The following C2CD3 variants were observed in gnomAD, a reference collection of about 807,000 sequenced individuals.
The protein encoded by C2CD3 is C2 domain-containing protein 3.
C2CD3 carries 148 observed loss-of-function variants against 234.0 expected under a neutral mutation model. The ratio of observed to expected loss-of-function variants is 0.63; its 90% confidence interval spans 0.55 to 0.72. The LOEUF (loss-of-function observed/expected upper bound fraction) is 0.72. Among genes scored for constraint, C2CD3 ranks in the 30% least tolerant of loss-of-function variants. The probability of loss-of-function intolerance (pLI) is 0.00; values close to 1 mark genes in which losing one functional copy is unlikely to be tolerated. For missense variants in C2CD3, 2,577 were observed against 2,811.5 expected, an observed-to-expected ratio of 0.92 and a Z score of 1.89; for synonymous variants, 1,000 against 1,035.4, an observed-to-expected ratio of 0.97 and a Z score of 0.66.
Position 74,118,390 on chromosome 11 carries a change from G to A in C2CD3, c.1366-8C>T. 1 of 1,609,790 alleles carries A rather than the reference G, an allele frequency of 6.2e-7. No homozygotes were observed. Among genetic ancestry groups the A allele is most frequent in the Non-Finnish European group, 8.5e-7 (1 of 1,176,500 alleles). Reference sequence around the variant, plus strand: ...GATGCTGGTATCAGATTTCTATGGAGAGGAAGAAACAGAGACACTAAATGA... The same window carrying A: ...GATGCTGGTATCAGATTTCTATGGAAAGGAAGAAACAGAGACACTAAATGA... On this transcript the variant is annotated splice_polypyrimidine_tract_variant and splice_region_variant and intron_variant, in intron 8 of 32. Transcript: ENST00000334126.
intron 2 of C2CD3, among the ~76,000 whole-genome samples, chr11:74,166,895 CAACT>C (rs1332777292): frequency 2.0e-5 from 3 of 152,080 alleles, no homozygotes; most frequent in African/African-American, 4.8e-5. Context: ...CTATTTTTCC[CAACT>C]AACTAATAGG....
chr11:74,055,503 C>T (rs1000091628), intron 25 of C2CD3, among the ~76,000 whole-genome samples: 2 of 152,168 alleles, frequency 1.3e-5, no homozygotes, highest in Non-Finnish European at 2.9e-5. Context: ...CCCAAACACC[C>T]CTGGGGAAGT....
intron 19 of C2CD3, among the ~76,000 whole-genome samples, chr11:74,091,948 A>C (rs547416260): frequency 6.6e-6 from 1 of 152,232 alleles, no homozygotes; most frequent in African/African-American, 2.4e-5. Flanking sequence ...GATCCTCAAA[A>C]GGGCAAATCC....
intron 3 of C2CD3, among the ~76,000 whole-genome samples, chr11:74,156,575 C>T (rs530815357): frequency 5.3e-5 from 8 of 151,860 alleles, no homozygotes; most frequent in African/African-American, 1.2e-4. Context: ...CTCAGGAGGC[C>T]GAGGCAGGAG....
intron 9 of C2CD3, among the ~76,000 whole-genome samples, chr11:74,116,645 A>T (rs890771030): frequency 1.1e-4 from 17 of 151,874 alleles, no homozygotes; most frequent in Non-Finnish European, 2.4e-4. Flanking sequence ...AGAGGAAAAG[A>T]AGTCACTATA....
intron 5 of C2CD3, among the ~76,000 whole-genome samples, chr11:74,134,655 T>C (rs1957798138): frequency 6.6e-6 from 1 of 152,210 alleles, no homozygotes; most frequent in Non-Finnish European, 1.5e-5. Flanking sequence ...TCTAATTTTA[T>C]AATTTCTAAA....
chr11:74,089,692 A>G (rs2135480145), intron 20 of C2CD3, among the ~76,000 whole-genome samples: 1 of 152,292 alleles, frequency 6.6e-6, no homozygotes, highest in South Asian at 2.1e-4. Context: ...TGCTAGAACT[A>G]TGCTAGGAGG....
At chr11:74,129,782 A>G in intron 7 of C2CD3, 1 of 187,558 alleles carries the variant, frequency 5.3e-6, no homozygotes, top group South Asian at 7.8e-5. Flanking sequence ...CAGCCTGGGC[A>G]CCATTGAGCA....
chr11:74,106,430 A>C lies in C2CD3; in HGVS notation c.2026T>G (p.Phe676Val). The C allele has an allele frequency of 6.2e-7, 1 of 1,613,936 alleles. No individual in the cohort carries two copies. Among genetic ancestry groups the C allele is most frequent in the Non-Finnish European group, 8.5e-7 (1 of 1,179,798 alleles). Residue 676 changes from phenylalanine (F) to valine (V), a missense_variant, in exon 13 of 33, where the codon TTC becomes GTC. Phe to Val is a conservative substitution (Grantham distance 50). Coordinates refer to ENST00000334126, the MANE Select transcript of C2CD3 (RefSeq NM_001286577.2). ...TGTTGCACTGGAAGCTGATCACTGA[A>C]AGAAAGCAGCTCTGATTGAATGACA... ...RAVIQSELLS[F>V]SDQLPVQQEN...
chr11:74,045,927 C>T (rs934636933), intron 28 of C2CD3, among the ~76,000 whole-genome samples: 4 of 152,018 alleles, frequency 2.6e-5, no homozygotes, highest in African/African-American at 9.7e-5. Context: ...ATTGATTTTG[C>T]TTATTATGTT....
chr11:74,103,308 A>G lies in C2CD3; in HGVS notation c.2403T>C (p.Ser801=). 6.2e-7 allele frequency: 1 copy of G among 1,614,076 alleles called. No homozygotes were observed. The highest frequency in any genetic ancestry group is 8.5e-7 in the Non-Finnish European group (1 of 1,180,006). ...VNQTNGTTKE[S]ALLLHVLLMV... ...TCAACAGCACATGCAACAGCAAAGC[A>G]CTCTCTTTTGTTGTCCCATTTGTCT... The change falls in exon 14 of 33, where the codon AGT becomes AGC. Residue 801 remains serine (S), a synonymous_variant. Coordinates refer to ENST00000334126, the MANE Select transcript of C2CD3 (RefSeq NM_001286577.2).
chr11:74,168,588 T>C lies in C2CD3; in HGVS notation c.81A>G (p.Thr27=). ...KRGLSDISPS[T]SLPPLVEGQL... ...GGCCTTCAACCAGAGGTGGCAGGCT[T>C]GTAGATGGAGAAATGTCACTTAAAC... The change falls in exon 2 of 33, where the codon ACA becomes ACG. Residue 27 remains threonine, a synonymous_variant. Transcript: ENST00000334126. 6.2e-7 allele frequency: 1 copy of C among 1,614,134 alleles called. No homozygotes were observed. Among genetic ancestry groups the C allele is most frequent in the East Asian group, 2.2e-5 (1 of 44,888 alleles).
chr11:74,022,866 C>T (rs979754099), intron 32 of C2CD3, among the ~76,000 whole-genome samples: 1 of 152,258 alleles, frequency 6.6e-6, no homozygotes, highest in Admixed American at 6.5e-5. Context: ...GTTCTCACCC[C>T]TTTTCTTTTT....
chr11:74,027,866 G>C (rs1022448246), intron 32 of C2CD3, among the ~76,000 whole-genome samples: 1 of 152,206 alleles, frequency 6.6e-6, no homozygotes, highest in Non-Finnish European at 1.5e-5. Context: ...GAATAGTTAT[G>C]AGGTGTTTTG....
At position 74,078,420 on chromosome 11, in the gene C2CD3, G is replaced by A. The variant is rs1955171609; in HGVS notation, c.4298C>T (p.Thr1433Ile). 3 of 1,614,196 alleles carry A rather than the reference G, an allele frequency of 1.9e-6. No homozygotes were observed. In the South Asian group the frequency reaches 3.3e-5, roughly 18 times the overall value. ...LAGHNHIHKN[T>I]YCYLRYKFYD... is the part of the protein sequence containing the mutation. Reference sequence around the variant, plus strand: ...GAACTTGTAGCGAAGGTAGCAATATGTATTCTTATGAATGTGGTTGTGGCC... The same window carrying A: ...GAACTTGTAGCGAAGGTAGCAATATATATTCTTATGAATGTGGTTGTGGCC... The change falls in exon 23 of 33, where the codon ACA (threonine) becomes ATA (isoleucine). Residue 1433 changes from threonine to isoleucine, a missense_variant. Transcript: ENST00000334126.
chr11:74,054,089 G>A (rs1375643502), intron 26 of C2CD3, among the ~76,000 whole-genome samples: 4 of 151,930 alleles, frequency 2.6e-5, no homozygotes, highest in Non-Finnish European at 5.9e-5. Flanking sequence ...TGGCTAACAC[G>A]CTGAAACCCT....
At chr11:74,091,925 A>T (rs1955907874) in intron 19 of C2CD3, among the ~76,000 whole-genome samples, 1 of 152,138 alleles carries the variant, frequency 6.6e-6, no homozygotes, top group South Asian at 2.1e-4. Context: ...AAGGTGTCTT[A>T]CAGTTTTCAT....
At chr11:74,084,379 C>T (rs1340479341) in intron 22 of C2CD3, among the ~76,000 whole-genome samples, 1 of 151,410 alleles carries the variant, frequency 6.6e-6, no homozygotes, top group Non-Finnish European at 1.5e-5. Context: ...ACACGTATCC[C>T]TATGTAACAA....
Position 74,161,394 on chromosome 11 carries a change from T to A in C2CD3, c.483+5A>T, listed in dbSNP as rs764207976. 6.5e-7 allele frequency: 1 copy of A among 1,543,778 alleles called. No homozygotes were observed. Among genetic ancestry groups the A allele is most frequent in the Non-Finnish European group, 8.8e-7 (1 of 1,141,604 alleles). On this transcript the variant is annotated splice_donor_5th_base_variant and intron_variant, in intron 3 of 32. Coordinates refer to ENST00000334126, the MANE Select transcript of C2CD3 (RefSeq NM_001286577.2). ...ATGCAGCAAATAATTAAAATATATT[T>A]TTACCTGGAGTTCTCCAAGTTTCTT...
Sources: allele counts gnomAD v4.1 joint callset (sites outside exome capture counted in the v4.1 genomes callset), GRCh38; gene constraint gnomAD v4.1.1; transcripts MANE v1.5; gene names NCBI Gene and HGNC (gene_info 2026-07-23, HGNC 2026-07-21).